Variants in MBD5 observed in about 807,000 individuals in gnomAD.
The protein encoded by MBD5 is methyl-CpG binding domain protein 5.
A neutral mutation model predicts 117.3 loss-of-function variants in MBD5; 13 were observed. The ratio of observed to expected loss-of-function variants is 0.11; its 90% CI spans 0.07 to 0.18. The LOEUF is 0.18. MBD5 is among the 10% of genes least tolerant of loss of function. The pLI is 1.00. For synonymous variants in MBD5, 727 were observed against 766.4 expected (o/e 0.95, Z 0.85); for missense variants, 1,879 against 2,093.8 (o/e 0.90, Z 2.00).
intron 1 of MBD5, among the ~76,000 whole-genome samples, chr2:148,141,508 A>G (rs923978935): frequency 6.6e-6 from 1 of 152,242 alleles, no homozygotes; most frequent in Non-Finnish European, 1.5e-5. Flanking sequence ...AACAAATAGT[A>G]TAATGGAATT....
At chr2:148,041,907 A>T (rs1311155042) in intron 1 of MBD5, among the ~76,000 whole-genome samples, 1 of 152,158 alleles carries the variant, frequency 6.6e-6, no homozygotes, top group Non-Finnish European at 1.5e-5. Context: ...TATACACAGA[A>T]ATCTTCTCAG....
At chr2:148,300,100 G>A (rs1036623564) in intron 3 of MBD5, among the ~76,000 whole-genome samples, 4 of 152,080 alleles carry the variant, frequency 2.6e-5, no homozygotes, top group Non-Finnish European at 4.4e-5. Flanking sequence ...TGTTGCCCAG[G>A]CTGGAGTGCA....
intron 2 of MBD5, among the ~76,000 whole-genome samples, chr2:148,200,782 G>A (rs565648138): frequency 7.3e-5 from 11 of 150,544 alleles, no homozygotes; most frequent in South Asian, 2.1e-4. Flanking sequence ...AAAATACTTC[G>A]CACATCATTA....
intron 11 of MBD5, among the ~76,000 whole-genome samples, chr2:148,493,746 T>A (rs943707134): frequency 1.3e-5 from 2 of 152,214 alleles, no homozygotes; most frequent in Admixed American, 1.3e-4. Flanking sequence ...TGTAGCAGAT[T>A]ATTGATATGC....
chr2:148,035,419 T>G (rs1431753658), intron 1 of MBD5, among the ~76,000 whole-genome samples: 3 of 152,164 alleles, frequency 2.0e-5, no homozygotes, highest in Non-Finnish European at 1.5e-5. Context: ...ATTTTAAAGC[T>G]TTCTTGAACT....
intron 1 of MBD5, among the ~76,000 whole-genome samples, chr2:148,144,928 C>A (rs542262528): frequency 6.6e-6 from 1 of 152,054 alleles, no homozygotes; most frequent in Non-Finnish European, 1.5e-5. Flanking sequence ...CTTGGCAATG[C>A]GGGCTCTTTT....
chr2:148,125,585 A>C (rs1016271816), intron 1 of MBD5, among the ~76,000 whole-genome samples: 4 of 152,104 alleles, frequency 2.6e-5, no homozygotes, highest in Non-Finnish European at 4.4e-5. Context: ...CCAATTTTTC[A>C]CTTTCCCATT....
intron 1 of MBD5, among the ~76,000 whole-genome samples, chr2:148,160,122 G>C (rs1209741810): frequency 6.6e-6 from 1 of 152,266 alleles, no homozygotes; most frequent in Admixed American, 6.5e-5. Flanking sequence ...CACAGAGGCC[G>C]GGTGCGGTGG....
At chr2:148,204,197 C>T (rs1699217558) in intron 2 of MBD5, among the ~76,000 whole-genome samples, 1 of 151,676 alleles carries the variant, frequency 6.6e-6, no homozygotes, top group Non-Finnish European at 1.5e-5. Context: ...TATGAGCTGG[C>T]CAAACTTAGG....
At chr2:148,025,403 C>T (rs1354153683) in intron 1 of MBD5, 1 of 151,712 alleles carries the variant, frequency 6.6e-6, no homozygotes, top group Non-Finnish European at 1.5e-5. Context: ...ATACTGTATT[C>T]TAGGGATTTA....
intron 1 of MBD5, among the ~76,000 whole-genome samples, chr2:148,070,033 T>A (rs1695308621): frequency 6.6e-6 from 1 of 152,168 alleles, no homozygotes; most frequent in African/African-American, 2.4e-5. Context: ...GACATTGGAA[T>A]GTATTCCTTC....
chr2:148,377,014 A>G (rs973982752), intron 4 of MBD5, among the ~76,000 whole-genome samples: 1 of 149,746 alleles, frequency 6.7e-6, no homozygotes, highest in African/African-American at 2.5e-5. Context: ...ATATATATAT[A>G]TGGGATATGT....
chr2:148,145,322 T>C (rs1302039503), intron 1 of MBD5, among the ~76,000 whole-genome samples: 1 of 152,240 alleles, frequency 6.6e-6, no homozygotes, highest in East Asian at 1.9e-4. Context: ...TTGCTGAAGT[T>C]GCTTATCAGC....
At position 148,102,727 on chromosome 2, in the gene MBD5, CACAGAGAG is replaced by C. The variant is rs771744908; in HGVS notation, c.-924-75971_-924-75964del. Among the ~76,000 whole-genome samples the C allele has an allele frequency of 1.0e-3, 63 of 62,902 alleles. 1 individual carries two copies. The highest frequency in any genetic ancestry group is 2.3e-3 in the African/African-American group (45 of 19,330). 41.3% of individuals were successfully genotyped at this position (62,902 alleles called of 152,430 possible). On this transcript the variant is annotated intron_variant, in intron 1 of 13. Transcript: ENST00000642680. Reference sequence around the variant, plus strand: ...ACACACACACACACACACACACACACACAGAGAGAGAGAGAGAGAGAGAGAGAGAGAGA... The same window carrying C: ...ACACACACACACACACACACACACACAGAGAGAGAGAGAGAGAGAGAGAGA...
intron 3 of MBD5, among the ~76,000 whole-genome samples, chr2:148,330,841 T>C (rs1702626845): frequency 6.6e-6 from 1 of 152,234 alleles, no homozygotes; most frequent in African/African-American, 2.4e-5. Context: ...TTACTATGTC[T>C]CAGGCATTTT....
intron 3 of MBD5, among the ~76,000 whole-genome samples, chr2:148,261,396 T>C (rs1700729094): frequency 6.6e-6 from 1 of 152,226 alleles, no homozygotes; most frequent in African/African-American, 2.4e-5. Context: ...CTGCAGCTTC[T>C]CCATCAGAAC....
intron 4 of MBD5, among the ~76,000 whole-genome samples, chr2:148,438,057 C>T (rs768841229): frequency 2.4e-4 from 37 of 152,306 alleles, no homozygotes; most frequent in East Asian, 2.3e-3. Context: ...TGATAATGTA[C>T]TTTCGTGGAG....
intron 2 of MBD5, among the ~76,000 whole-genome samples, chr2:148,222,512 G>A (rs1699714615): frequency 1.3e-5 from 2 of 151,778 alleles, no homozygotes; most frequent in Admixed American, 1.3e-4. Flanking sequence ...GTATTTATTT[G>A]TGGCTACTGT....
intron 3 of MBD5, among the ~76,000 whole-genome samples, chr2:148,317,555 A>T (rs1157798827): frequency 6.6e-6 from 1 of 152,082 alleles, no homozygotes; most frequent in East Asian, 1.9e-4. Flanking sequence ...TGTATTTGTC[A>T]CCCAAATAAG....
Sources: allele counts gnomAD v4.1 joint callset (sites outside exome capture counted in the v4.1 genomes callset), GRCh38; gene constraint gnomAD v4.1.1; transcripts MANE v1.5; gene names NCBI Gene and HGNC (gene_info 2026-07-23, HGNC 2026-07-21).